Variants in WDPCP observed in about 807,000 individuals in gnomAD.
The protein encoded by WDPCP is WD repeat-containing and planar cell polarity effector protein fritz homolog.
In WDPCP, 71 loss-of-function variants were observed where a neutral mutation model predicts 93.1. That is an observed-to-expected ratio of 0.76 (90% confidence interval 0.63 to 0.93). The LOEUF is 0.93. Among genes scored for constraint, WDPCP ranks in the 40% least tolerant of loss-of-function variants. The pLI, the probability that WDPCP is intolerant of heterozygous loss-of-function variation, is 0.00. For missense variants in WDPCP, 844 were observed against 887.4 expected (o/e 0.95, Z 0.62); for synonymous variants, 315 against 315.0 (o/e 1.00, Z 0.00).
chr2:63,616,397 G>C (rs74782038), intron 3 of WDPCP, among the ~76,000 whole-genome samples: 1 of 152,160 alleles, frequency 6.6e-6, no homozygotes, highest in African/African-American at 2.4e-5. Context: ...GGAGGGTAAA[G>C]GGGCTGAAAA....
intron 13 of WDPCP, among the ~76,000 whole-genome samples, chr2:63,283,852 C>T (rs1053984038): frequency 1.3e-5 from 2 of 152,114 alleles, no homozygotes; most frequent in Non-Finnish European, 2.9e-5. Context: ...TGTGTTGTTT[C>T]GATTCTGTTT....
intron 9 of WDPCP, among the ~76,000 whole-genome samples, chr2:63,415,065 GA>G (rs1202125588): frequency 6.6e-6 from 1 of 152,084 alleles, no homozygotes; most frequent in African/African-American, 2.4e-5. Context: ...CATAATTAAA[GA>G]TACCATAAAA....
chr2:63,416,567 A>G (rs1451455920), intron 9 of WDPCP, among the ~76,000 whole-genome samples: 3 of 76,136 alleles, frequency 3.9e-5, no homozygotes, highest in Non-Finnish European at 9.2e-5. Flanking sequence ...CCTGTTGCCC[A>G]GGCTGGAGTG....
chr2:63,743,034 G>A (rs1248653532), intron 2 of WDPCP, among the ~76,000 whole-genome samples: 4 of 151,924 alleles, frequency 2.6e-5, no homozygotes, highest in Non-Finnish European at 4.4e-5. Flanking sequence ...AAACAACCCC[G>A]TGGAATTGAT....
At chr2:63,595,493 A>G in intron 3 of WDPCP, 2 of 1,611,930 alleles carry the variant, frequency 1.2e-6, no homozygotes, top group Non-Finnish European at 8.5e-7. Context: ...ATGGAACTGC[A>G]AGACTGTGCC....
At chr2:63,324,404 G>A (rs568645683) in intron 12 of WDPCP, among the ~76,000 whole-genome samples, 2 of 152,162 alleles carry the variant, frequency 1.3e-5, no homozygotes, top group East Asian at 3.9e-4. Context: ...AAACCCCCGG[G>A]CTATCGGTTA....
chr2:63,196,218 G>A (rs757452262), intron 14 of WDPCP, among the ~76,000 whole-genome samples: 1 of 152,192 alleles, frequency 6.6e-6, no homozygotes, highest in Non-Finnish European at 1.5e-5. Flanking sequence ...AAGTCCTGAC[G>A]TTACAAGAAA....
intron 1 of WDPCP, among the ~76,000 whole-genome samples, chr2:63,547,821 G>T (rs1173780598): frequency 6.6e-6 from 1 of 151,860 alleles, no homozygotes; most frequent in Non-Finnish European, 1.5e-5. Flanking sequence ...AAGGTGGGGT[G>T]GGGGATGATG....
chr2:63,336,175 C>A (rs978543471), intron 12 of WDPCP, among the ~76,000 whole-genome samples: 1 of 152,190 alleles, frequency 6.6e-6, no homozygotes, highest in Admixed American at 6.5e-5. Flanking sequence ...GCACTGCAGA[C>A]TCACCCTGAA....
chr2:63,703,170 T>C (rs376094541), intron 2 of WDPCP, among the ~76,000 whole-genome samples: 2 of 152,156 alleles, frequency 1.3e-5, no homozygotes, highest in South Asian at 4.1e-4. Flanking sequence ...TGAATAGTGC[T>C]GCAATAAACA....
chr2:63,257,354 T>G (rs1453091570), intron 14 of WDPCP, among the ~76,000 whole-genome samples: 2 of 152,132 alleles, frequency 1.3e-5, no homozygotes, highest in African/African-American at 4.8e-5. Flanking sequence ...AAAATTAGCT[T>G]TCCCCAGCAT....
At chr2:63,767,303 A>T (rs1670155910) in intron 2 of WDPCP, among the ~76,000 whole-genome samples, 1 of 152,184 alleles carries the variant, frequency 6.6e-6, no homozygotes, top group Admixed American at 6.6e-5. Context: ...AGCTGCTGTG[A>T]ATATTCATGT....
chr2:63,751,477 C>A (rs1669881477), intron 2 of WDPCP, among the ~76,000 whole-genome samples: 1 of 152,124 alleles, frequency 6.6e-6, no homozygotes, highest in South Asian at 2.1e-4. Context: ...AGAACAAAAA[C>A]TAAAATAACC....
intron 1 of WDPCP, among the ~76,000 whole-genome samples, chr2:63,573,160 T>C (rs1707656903): frequency 6.6e-6 from 1 of 152,014 alleles, no homozygotes; most frequent in African/African-American, 2.4e-5. Flanking sequence ...CCAGGATCAC[T>C]TGAGCCCAGG....
At chr2:63,339,340 T>G (rs1688674888) in intron 12 of WDPCP, among the ~76,000 whole-genome samples, 1 of 152,020 alleles carries the variant, frequency 6.6e-6, no homozygotes, top group Admixed American at 6.6e-5. Context: ...GTCCAGCTAA[T>G]TTTTGTATTT....
chr2:63,402,481 A>G (rs564941371), intron 10 of WDPCP, among the ~76,000 whole-genome samples: 14 of 152,148 alleles, frequency 9.2e-5, no homozygotes, highest in Admixed American at 7.2e-4. Context: ...TTAAAGTAAA[A>G]TAAAAATAAA....
At chr2:63,412,094 C>A (rs556209315) in intron 9 of WDPCP, among the ~76,000 whole-genome samples, 2 of 152,014 alleles carry the variant, frequency 1.3e-5, no homozygotes, top group Non-Finnish European at 2.9e-5. Context: ...AACTACAGAC[C>A]GATATCCTTG....
intron 14 of WDPCP, among the ~76,000 whole-genome samples, chr2:63,193,592 C>T (rs1312711317): frequency 6.6e-6 from 1 of 152,156 alleles, no homozygotes; most frequent in Non-Finnish European, 1.5e-5. Flanking sequence ...TTTAAGCAAT[C>T]CTCCCTAGCT....
chr2:63,181,778 G>A (rs1008726538), intron 14 of WDPCP, among the ~76,000 whole-genome samples: 11 of 149,158 alleles, frequency 7.4e-5, no homozygotes, highest in African/African-American at 2.7e-4. Flanking sequence ...CATCTGTATG[G>A]TTTTTTTTTA....
Sources: gnomAD v4.1 joint callset for allele counts (sites outside exome capture counted in the v4.1 genomes callset) on GRCh38, gnomAD v4.1.1 for gene constraint, MANE v1.5 for transcripts, NCBI Gene and HGNC (gene_info 2026-07-23, HGNC 2026-07-21) for gene names.